Variants in CRYBG1 observed in about 807,000 individuals in gnomAD.
CRYBG1 encodes the protein crystallin beta-gamma domain containing 1.
Under a neutral mutation model 189.2 loss-of-function variants are expected in CRYBG1, and 139 were observed. The ratio of observed to expected loss-of-function variants is 0.73; its 90% CI spans 0.64 to 0.85. The LOEUF is 0.85. Among genes scored for constraint, CRYBG1 ranks in the 40% least tolerant of loss-of-function variants. The pLI, the probability that CRYBG1 is intolerant of heterozygous loss-of-function variation, is 0.00. For synonymous variants in CRYBG1, 1,023 were observed against 1,017.1 expected (o/e 1.01, Z -0.11); for missense variants, 2,611 against 2,675.8 (o/e 0.98, Z 0.53).
At chr6:106,402,026 A>G (rs1465869722) in intron 1 of CRYBG1, among the ~76,000 whole-genome samples, 12 of 142,824 alleles carry the variant, frequency 8.4e-5, no homozygotes, top group Non-Finnish European at 1.7e-4. Flanking sequence ...GAGCCAAATC[A>G]TGAGTGAACT....
chr6:106,561,739 G>T (rs1582842422), intron 20 of CRYBG1, among the ~76,000 whole-genome samples: 1 of 152,084 alleles, frequency 6.6e-6, no homozygotes, highest in African/African-American at 2.4e-5. Context: ...TTCTATGCTT[G>T]ATTTTTATAT....
Position 106,520,485 on chromosome 6 carries a change from G to A in CRYBG1, c.3277G>A (p.Gly1093Ser). The A allele has an allele frequency of 1.2e-6, 2 of 1,614,120 alleles. No homozygotes were observed. Among genetic ancestry groups the A allele is most frequent in the East Asian group, 2.2e-5 (1 of 44,886 alleles). Reference sequence around the variant, plus strand: ...TGCCAGCCTTTTGAACATTTCTGCTGGTAGTGATGATAGTGTATTTGATTC... The same window carrying A: ...TGCCAGCCTTTTGAACATTTCTGCTAGTAGTGATGATAGTGTATTTGATTC... ...SPASLLNISA[G>S]SDDSVFDSSS... The change falls in exon 4 of 22, where the codon GGT becomes AGT. Residue 1093 changes from glycine (G) to serine (S), a missense_variant. Gly to Ser is a moderately conservative substitution (Grantham distance 56). This residue lies in a region of CRYBG1 where 1,622 missense variants were observed against 1,735.0 expected (regional missense o/e 0.93). Transcript: ENST00000633556.
chr6:106,549,871 T>G (rs1375240308), intron 13 of CRYBG1, among the ~76,000 whole-genome samples: 2 of 152,144 alleles, frequency 1.3e-5, no homozygotes, highest in East Asian at 3.9e-4. Flanking sequence ...GATAGTAAAA[T>G]CATAATCTGC....
Position 106,519,627 on chromosome 6 carries a change from G to A in CRYBG1, c.2419G>A (p.Val807Ile). 6.2e-7 allele frequency: 1 copy of A among 1,614,184 alleles called. No homozygotes were observed. Among genetic ancestry groups the A allele is most frequent in the South Asian group, 1.1e-5 (1 of 91,086 alleles). The stretch of plus-strand genomic sequence containing the variant: ...ACCAGTGGCTTCTGCTCTGATTCCT[G>A]TCAAGGATCATAAGCTCTTAGAGAA... ...SEPVASALIPVKDHKLLEKED... is the reference protein window; with the variant it reads ...SEPVASALIPIKDHKLLEKED... The change falls in exon 4 of 22, where the codon GTC becomes ATC. Residue 807 changes from valine to isoleucine, a missense_variant. Physicochemically the swap from Val to Ile is conservative, Grantham distance 29. Transcript: ENST00000633556.
At chr6:106,455,096 T>C (rs1157434855) in intron 2 of CRYBG1, among the ~76,000 whole-genome samples, 3 of 152,210 alleles carry the variant, frequency 2.0e-5, no homozygotes, top group Non-Finnish European at 4.4e-5. Flanking sequence ...TCATCAGGGA[T>C]TGTATATTTA....
chr6:106,448,205 G>A (rs538285882), intron 1 of CRYBG1, among the ~76,000 whole-genome samples: 6 of 152,202 alleles, frequency 3.9e-5, no homozygotes, highest in Non-Finnish European at 8.8e-5. Flanking sequence ...TGAAATCATG[G>A]CGTCCATGGC....
intron 2 of CRYBG1, among the ~76,000 whole-genome samples, chr6:106,494,782 G>A (rs990271811): frequency 6.6e-6 from 1 of 152,052 alleles, no homozygotes. Context: ...TGCATGCTTG[G>A]ACACATTTTT....
chr6:106,465,640 C>T (rs1256897148), intron 2 of CRYBG1, among the ~76,000 whole-genome samples: 1 of 152,170 alleles, frequency 6.6e-6, no homozygotes, highest in African/African-American at 2.4e-5. Context: ...AACAACTGGA[C>T]TAGATTATGT....
chr6:106,403,210 G>T (rs1014420187), intron 1 of CRYBG1, among the ~76,000 whole-genome samples: 1 of 152,154 alleles, frequency 6.6e-6, no homozygotes, highest in Non-Finnish European at 1.5e-5. Flanking sequence ...AGCAGCATGT[G>T]CCTGTAGTCC....
intron 1 of CRYBG1, among the ~76,000 whole-genome samples, chr6:106,380,575 A>G (rs1413356073): frequency 2.0e-5 from 3 of 152,244 alleles, no homozygotes; most frequent in African/African-American, 7.2e-5. Context: ...TTCAGAAAGA[A>G]GATGAGTAAT....
intron 1 of CRYBG1, among the ~76,000 whole-genome samples, chr6:106,439,867 T>A (rs1213041525): frequency 6.6e-6 from 1 of 152,226 alleles, no homozygotes; most frequent in Non-Finnish European, 1.5e-5. Flanking sequence ...AAAACCTAGA[T>A]GAACACTTAC....
At chr6:106,451,654 T>A (rs1304748641) in intron 1 of CRYBG1, 40 bp from the exon 2 acceptor site, 18 of 1,491,320 alleles carry the variant, frequency 1.2e-5, no homozygotes, top group Non-Finnish European at 1.6e-5. Context: ...TTGGCATTGT[T>A]CATAGTGTAT....
intron 1 of CRYBG1, among the ~76,000 whole-genome samples, chr6:106,392,038 G>C (rs1770517631): frequency 6.6e-6 from 1 of 151,924 alleles, no homozygotes; most frequent in Non-Finnish European, 1.5e-5. Flanking sequence ...AACGTGAGCA[G>C]CTGTGAGGAT....
intron 1 of CRYBG1, among the ~76,000 whole-genome samples, chr6:106,410,252 A>G (rs1315757108): frequency 1.3e-5 from 2 of 152,264 alleles, no homozygotes; most frequent in Admixed American, 6.5e-5. Context: ...TTATGTGGCC[A>G]ACAAACATGT....
intron 1 of CRYBG1, among the ~76,000 whole-genome samples, chr6:106,448,374 C>G (rs1165495645): frequency 6.6e-6 from 1 of 152,156 alleles, no homozygotes; most frequent in African/African-American, 2.4e-5. Flanking sequence ...CAAGGGCCGT[C>G]CCTGGAACTG....
At chr6:106,361,218 C>T (rs1407752353) in intron 1 of CRYBG1, 137 bp downstream of exon 1, 3 of 1,139,472 alleles carry the variant, frequency 2.6e-6, no homozygotes, top group Non-Finnish European at 3.6e-6. Context: ...GGAGGGTACC[C>T]GGGTCCGGAG....
intron 8 of CRYBG1, among the ~76,000 whole-genome samples, chr6:106,530,920 A>G (rs550013184): frequency 2.5e-4 from 38 of 152,334 alleles, no homozygotes; most frequent in African/African-American, 9.1e-4. Flanking sequence ...GCAGGAAAAA[A>G]CACTAAAGCT....
intron 1 of CRYBG1, among the ~76,000 whole-genome samples, chr6:106,391,114 C>G (rs1486934619): frequency 6.6e-6 from 1 of 152,158 alleles, no homozygotes; most frequent in Non-Finnish European, 1.5e-5. Context: ...GTCACCCAGG[C>G]TGGAGTGCAC....
At chr6:106,537,769 C>A (rs1774038913) in intron 8 of CRYBG1, among the ~76,000 whole-genome samples, 1 of 152,228 alleles carries the variant, frequency 6.6e-6, no homozygotes, top group Non-Finnish European at 1.5e-5. Flanking sequence ...GAACCATCAT[C>A]CTGACTTCTA....
Sources: gnomAD v4.1 joint callset for allele counts (sites outside exome capture counted in the v4.1 genomes callset) on GRCh38, gnomAD v4.1.1 for gene constraint, gnomAD v4.1.1 regional missense constraint, MANE v1.5 for transcripts, NCBI Gene and HGNC (gene_info 2026-07-23, HGNC 2026-07-21) for gene names.